The following ADGRD1 variants were observed in gnomAD, a reference collection of about 807,000 sequenced individuals.
ADGRD1 encodes G-protein coupled receptor 133.
A neutral mutation model predicts 113.4 loss-of-function variants in ADGRD1; 77 were observed. The ratio of observed to expected loss-of-function variants is 0.68; its 90% CI spans 0.57 to 0.82. The LOEUF is 0.82. Among genes scored for constraint, ADGRD1 ranks in the 40% least tolerant of loss-of-function variants. ADGRD1 has a pLI of 0.00. For missense variants in ADGRD1, 1,036 were observed against 1,139.1 expected (o/e 0.91, Z 1.30); for synonymous variants, 474 against 475.0 (o/e 1.00, Z 0.03).
At chr12:131,059,053 A>G (rs902922012) in intron 13 of ADGRD1, among the ~76,000 whole-genome samples, 14 of 151,870 alleles carry the variant, frequency 9.2e-5, no homozygotes, top group African/African-American at 3.4e-4. Flanking sequence ...TTTAAAATCT[A>G]TTTTATCTCT....
intron 13 of ADGRD1, among the ~76,000 whole-genome samples, chr12:131,059,918 C>T (rs767845647): frequency 4.6e-5 from 7 of 151,964 alleles, no homozygotes; most frequent in South Asian, 2.1e-4. Context: ...GAGATTTTTC[C>T]GGTTCTCGGT....
chr12:131,014,822 C>A (rs1283330038), intron 13 of ADGRD1, among the ~76,000 whole-genome samples: 1 of 152,230 alleles, frequency 6.6e-6, no homozygotes, highest in Non-Finnish European at 1.5e-5. Flanking sequence ...GCTCTCCTCT[C>A]CACATGTCGT....
intron 2 of ADGRD1, among the ~76,000 whole-genome samples, chr12:130,955,698 C>G (rs746666085): frequency 1.3e-5 from 2 of 152,352 alleles, no homozygotes; most frequent in South Asian, 2.1e-4. Context: ...CCCCGCCCCA[C>G]CAGAGCTTGG....
intron 2 of ADGRD1, among the ~76,000 whole-genome samples, chr12:130,959,959 A>T (rs1870146555): frequency 6.6e-6 from 1 of 152,168 alleles, no homozygotes; most frequent in Admixed American, 6.5e-5. Context: ...TTGGAGAGGG[A>T]AATCCAGGGT....
rs1220727707 is a variant in ADGRD1, at chr12:131,037,005, TCTCA to T, written c.1473+22672_1473+22675del. 8.0e-5 allele frequency among the ~76,000 whole-genome samples: 9 copies of T among 112,230 alleles called. No individual in the cohort carries two copies. In the East Asian group the frequency reaches 2.8e-3, roughly 34 times the overall value. The allele number at this position is 112,230 out of a possible 152,430, so 73.6% of individuals were successfully genotyped here. On this transcript the variant is annotated intron_variant, in intron 13 of 24. Transcript: ENST00000261654. ...ATGGAGCCTCACTCACTGCACCGGG[TCTCA>T]CTCACTGCACCAGGATCTTACTCAC...
intron 3 of ADGRD1, chr12:130,968,668 A>G (rs1168908969): frequency 2.8e-6 from 1 of 352,518 alleles, no homozygotes; most frequent in Non-Finnish European, 5.2e-6. Context: ...GTTCAATTTC[A>G]TATCTCTCAA....
intron 18 of ADGRD1, among the ~76,000 whole-genome samples, chr12:131,112,331 C>G (rs561366992): frequency 2.6e-4 from 39 of 152,290 alleles, no homozygotes; most frequent in African/African-American, 9.1e-4. Flanking sequence ...CATTGCCAGC[C>G]TATGGCTCTG....
chr12:131,118,544 G>A, intron 19 of ADGRD1, 93 bp downstream of exon 19: 1 of 863,102 alleles, frequency 1.2e-6, no homozygotes, highest in Non-Finnish European at 1.8e-6. Context: ...GTGCTCTTCT[G>A]GGTGCAGGGG....
chr12:131,119,167 A>T (rs1004442611), intron 19 of ADGRD1, among the ~76,000 whole-genome samples: 2 of 152,260 alleles, frequency 1.3e-5, no homozygotes, highest in Admixed American at 6.5e-5. Flanking sequence ...GAGTGAAAAC[A>T]TGGAAAATAA....
intron 2 of ADGRD1, among the ~76,000 whole-genome samples, chr12:130,960,661 TCA>T (rs56278834): frequency 0.96 from 144,882 of 151,658 alleles, 69,522 homozygotes; most frequent in East Asian, 1. Flanking sequence ...AATCTCTCTC[TCA>T]CACACACACA....
At chr12:131,133,100 C>G in intron 21 of ADGRD1, among the ~76,000 whole-genome samples, 1 of 152,224 alleles carries the variant, frequency 6.6e-6, no homozygotes, top group East Asian at 1.9e-4. Context: ...CTTTCCTCTT[C>G]CATTGCTGAG....
At chr12:131,138,252 G>A (rs1013513971) in intron 24 of ADGRD1, 23 bp downstream of exon 24, 14 of 1,598,518 alleles carry the variant, frequency 8.8e-6, no homozygotes, top group East Asian at 2.2e-5. Flanking sequence ...TCCATAAACC[G>A]AGGGTCCCAG....
intron 17 of ADGRD1, among the ~76,000 whole-genome samples, chr12:131,107,789 C>G (rs1950266360): frequency 6.6e-6 from 1 of 152,230 alleles, no homozygotes; most frequent in East Asian, 1.9e-4. Flanking sequence ...TATAACAGAT[C>G]ATGATGACAA....
chr12:131,002,118 G>T (rs1346572169), intron 9 of ADGRD1, among the ~76,000 whole-genome samples: 1 of 152,216 alleles, frequency 6.6e-6, no homozygotes, highest in Non-Finnish European at 1.5e-5. Flanking sequence ...GTCCAAAGCT[G>T]CAGGCTGGGA....
intron 3 of ADGRD1, chr12:130,967,071 C>CT (rs1172312519): frequency 2.2e-6 from 1 of 454,938 alleles, no homozygotes; most frequent in Non-Finnish European, 4.4e-6. Context: ...AGTCAGGCGT[C>CT]TGTTTTCTAC....
Position 130,990,375 on chromosome 12 carries a change from C to G in ADGRD1, c.746-639C>G, listed in dbSNP as rs986610609. ...TATCTGGTTAAGTGTGTGTTCTCAT[C>G]AGGAAATAGTGGGATTAGAAATAGT... On this transcript the variant is annotated intron_variant, in intron 6 of 24. Coordinates refer to ENST00000261654, the MANE Select transcript of ADGRD1 (RefSeq NM_198827.5). 2.0e-5 allele frequency: 3 copies of G among 152,264 alleles called. No individual in the cohort carries two copies. In the East Asian group the frequency reaches 5.8e-4, roughly 29 times the overall value. 9.4% of individuals were successfully genotyped at this position (152,264 alleles called of 1,614,324 possible).
intron 13 of ADGRD1, among the ~76,000 whole-genome samples, chr12:131,043,725 G>T (rs567379146): frequency 1.3e-5 from 2 of 152,234 alleles, no homozygotes; most frequent in East Asian, 3.9e-4. Context: ...GAGTGCACCC[G>T]CAGGGCTGGG....
At chr12:131,049,786 G>C (rs762987006) in intron 13 of ADGRD1, among the ~76,000 whole-genome samples, 8 of 152,214 alleles carry the variant, frequency 5.3e-5, no homozygotes, top group African/African-American at 9.6e-5. Context: ...TTCCTGGAGC[G>C]GGGGAGAGCA....
chr12:131,108,266 C>T (rs143152436), intron 17 of ADGRD1, among the ~76,000 whole-genome samples: 1 of 152,310 alleles, frequency 6.6e-6, no homozygotes, highest in Non-Finnish European at 1.5e-5. Context: ...TAGGGTTCAG[C>T]CACATGGCAG....
Sources: allele counts gnomAD v4.1 joint callset (sites outside exome capture counted in the v4.1 genomes callset), GRCh38; gene constraint gnomAD v4.1.1; transcripts MANE v1.5; gene names NCBI Gene and HGNC (gene_info 2026-07-23, HGNC 2026-07-21).